VPS13D: variants seen among roughly 807,000 people sequenced by gnomAD.
VPS13D encodes intermembrane lipid transfer protein VPS13D.
In VPS13D, 187 loss-of-function variants were observed where a neutral mutation model predicts 461.9. The ratio of observed to expected loss-of-function variants is 0.40; its 90% confidence interval spans 0.36 to 0.46. The LOEUF is 0.46. Among genes scored for constraint, VPS13D ranks in the 20% least tolerant of loss-of-function variants. VPS13D has a pLI of 0.60. For missense variants in VPS13D, 4,711 were observed against 5,364.9 expected (o/e 0.88, Z 3.81); for synonymous variants, 1,951 against 1,986.3 (o/e 0.98, Z 0.47).
At chr1:12,336,377 T>C (rs754839871) in intron 39 of VPS13D, 1 of 152,672 alleles carries the variant, frequency 6.5e-6, no homozygotes, top group South Asian at 2.1e-4. Flanking sequence ...TTGCTCTCTA[T>C]TGATGATGCT....
At chr1:12,275,509 T>C (rs546242915) in intron 18 of VPS13D, among the ~76,000 whole-genome samples, 25 of 152,208 alleles carry the variant, frequency 1.6e-4, no homozygotes, top group African/African-American at 5.3e-4. Context: ...AAAGGGTTGG[T>C]GAAAGCAGCT....
rs1470595450 is a variant in VPS13D, at chr1:12,349,305, A to T, written c.9362A>T (p.Lys3121Met). The T allele has an allele frequency of 2.5e-6, 4 of 1,614,224 alleles. No homozygotes were observed. The African/African-American group carries it at 5.3e-5, about 22-fold the overall frequency. ...KAPIHWTNVVKTAEISSSKRE... is the reference protein window; with the variant it reads ...KAPIHWTNVVMTAEISSSKRE... ...CCCATTCATTGGACCAATGTAGTGAAGACTGCAGAAATTAGTAGCAGTAAA... is the reference window on the plus strand; with the variant it reads ...CCCATTCATTGGACCAATGTAGTGATGACTGCAGAAATTAGTAGCAGTAAA... The change falls in exon 46 of 70, where the codon AAG (lysine) becomes ATG (methionine). Residue 3121 changes from lysine (K) to methionine (M), a missense_variant. Physicochemically the swap from Lys to Met is moderately conservative, Grantham distance 95 (BLOSUM62 -1). Transcript: ENST00000620676.
At chr1:12,351,589 C>CCTTTATCAAAAT (rs1401850643) in intron 46 of VPS13D, among the ~76,000 whole-genome samples, 1 of 149,696 alleles carries the variant, frequency 6.7e-6, no homozygotes, top group East Asian at 2.0e-4. Context: ...CGTGCCCAGC[C>CCTTTATCAAAAT]AAGTTTTTCT....
At chr1:12,310,793 TTCCCTCCC>T (rs1227739408) in intron 27 of VPS13D, among the ~76,000 whole-genome samples, 38 of 127,120 alleles carry the variant, frequency 3.0e-4, no homozygotes, top group African/African-American at 9.8e-4. Context: ...CCTTCCTTCC[TTCCCTCCC>T]TCCCTCCCTC....
intron 1 of VPS13D, 89 bp from the exon 2 acceptor site, chr1:12,234,102 A>G (rs1473043074): frequency 1.8e-6 from 1 of 567,928 alleles, no homozygotes; most frequent in Non-Finnish European, 3.2e-6. Flanking sequence ...TGTGCTTTGC[A>G]TTCATCTACC....
chr1:12,496,356 A>T (rs1473997171), intron 67 of VPS13D, among the ~76,000 whole-genome samples: 1 of 152,232 alleles, frequency 6.6e-6, no homozygotes, highest in Non-Finnish European at 1.5e-5. Flanking sequence ...CTTTTCAGTT[A>T]TCCCAGCTGT....
intron 58 of VPS13D, among the ~76,000 whole-genome samples, chr1:12,384,055 T>G (rs1334091357): frequency 6.6e-6 from 1 of 152,130 alleles, no homozygotes; most frequent in Non-Finnish European, 1.5e-5. Context: ...TAGAAAATTG[T>G]TTTAGATCAC....
chr1:12,334,401 A>T (rs1256454982), intron 38 of VPS13D, among the ~76,000 whole-genome samples: 1 of 152,226 alleles, frequency 6.6e-6, no homozygotes, highest in Non-Finnish European at 1.5e-5. Flanking sequence ...TCTTTTGAAA[A>T]GCTGCAGTAA....
chr1:12,303,815 G>T (rs997928278), intron 25 of VPS13D, among the ~76,000 whole-genome samples: 1 of 152,232 alleles, frequency 6.6e-6, no homozygotes, highest in African/African-American at 2.4e-5. Context: ...AAGCTTAAAA[G>T]TCAATTATTG....
intron 68 of VPS13D, 127 bp from the exon 69 acceptor site, chr1:12,506,726 A>G: frequency 8.0e-7 from 1 of 1,243,242 alleles, no homozygotes; most frequent in Non-Finnish European, 1.1e-6. Context: ...AGGATTTAGA[A>G]GTATTTCCCG....
At chr1:12,242,797 C>T (rs1282031708) in intron 3 of VPS13D, among the ~76,000 whole-genome samples, 2 of 152,044 alleles carry the variant, frequency 1.3e-5, no homozygotes, top group Non-Finnish European at 2.9e-5. Flanking sequence ...AGGTGATACC[C>T]GGACCGACTG....
chr1:12,252,974 C>G (rs1557665173), intron 6 of VPS13D, among the ~76,000 whole-genome samples: 2 of 151,544 alleles, frequency 1.3e-5, no homozygotes, highest in Non-Finnish European at 2.9e-5. Flanking sequence ...GCCTGGCCAA[C>G]ATGGAAAAAC....
chr1:12,375,912 A>G (rs1310844666), intron 55 of VPS13D, among the ~76,000 whole-genome samples: 2 of 152,152 alleles, frequency 1.3e-5, no homozygotes, highest in African/African-American at 2.4e-5. Flanking sequence ...CCATCTAAAG[A>G]TTTTAGAACT....
intron 60 of VPS13D, among the ~76,000 whole-genome samples, chr1:12,391,986 A>G (rs1422546315): frequency 6.6e-6 from 1 of 151,860 alleles, no homozygotes; most frequent in Non-Finnish European, 1.5e-5. Flanking sequence ...TCAGCCTCCC[A>G]AGTAGCTGAG....
chr1:12,279,548 C>A lies in VPS13D; in HGVS notation c.4500C>A (p.Ile1500=). 6.2e-7 allele frequency: 1 copy of A among 1,612,368 alleles called. No individual in the cohort carries two copies. The highest frequency in any genetic ancestry group is 8.5e-7 in the Non-Finnish European group (1 of 1,178,846). Residue 1500 remains isoleucine (I), a synonymous_variant, in exon 20 of 70, where the codon ATC becomes ATA. Transcript: ENST00000620676. This position sits in a 1 kb window ranked among gnomAD's most constrained non-coding sequence, Gnocchi z 4.3. ...CCATTCAGTTTAAACTGGAGAAGAT[C>A]CCTATAGAGAGAGAATCTGAATTGA... The part of the protein sequence containing the change: ...NTTIQFKLEK[I]PIERESELTF...
chr1:12,391,690 C>T (rs1644429101), intron 60 of VPS13D, among the ~76,000 whole-genome samples: 1 of 152,164 alleles, frequency 6.6e-6, no homozygotes, highest in African/African-American at 2.4e-5. Flanking sequence ...GTGATTTGCC[C>T]ACTTCAGCCT....
At chr1:12,364,411 GCTTCCACCTT>G (rs1643999823) in intron 52 of VPS13D, among the ~76,000 whole-genome samples, 1 of 152,172 alleles carries the variant, frequency 6.6e-6, no homozygotes, top group Non-Finnish European at 1.5e-5. Context: ...CACTTGGGTT[GCTTCCACCTT>G]TGGCTATCAT....
At chr1:12,274,509 G>T (rs1641550823) in intron 18 of VPS13D, among the ~76,000 whole-genome samples, 1 of 151,790 alleles carries the variant, frequency 6.6e-6, no homozygotes, top group Non-Finnish European at 1.5e-5. Context: ...ATGGGGTTTC[G>T]CCATGTTGGC....
chr1:12,275,107 T>C (rs1641569181), intron 18 of VPS13D, among the ~76,000 whole-genome samples: 1 of 152,134 alleles, frequency 6.6e-6, no homozygotes, highest in Non-Finnish European at 1.5e-5. Context: ...TAATCCCAGC[T>C]GTCCGGGAGG....
Sources: gnomAD v4.1 joint callset for allele counts (sites outside exome capture counted in the v4.1 genomes callset) on GRCh38, gnomAD v4.1.1 for gene constraint, Gnocchi (gnomAD v3.1) non-coding constraint, MANE v1.5 for transcripts, NCBI Gene and HGNC (gene_info 2026-07-23, HGNC 2026-07-21) for gene names.